Variants in ZNF90 observed in about 807,000 individuals in gnomAD.
ZNF90 encodes zinc finger protein 90.
Under a neutral mutation model 12.0 loss-of-function variants are expected in ZNF90, and 11 were observed. The observed-to-expected ratio is 0.92, with a 90% CI of 0.58 to 1.52. ZNF90 has a LOEUF of 1.52. Ranked by LOEUF, ZNF90 falls within the 40% of genes most tolerant of loss-of-function variation. The probability of loss-of-function intolerance (pLI) is 0.00; values close to 1 mark genes in which losing one functional copy is unlikely to be tolerated. For synonymous variants in ZNF90, 232 were observed against 240.1 expected, an observed-to-expected ratio of 0.97 and a Z score of 0.31; for missense variants, 765 against 711.5, an observed-to-expected ratio of 1.08 and a Z score of -0.86.
intron 3 of ZNF90, among the ~76,000 whole-genome samples, chr19:20,114,649 A>G (rs145595286): frequency 4.3e-4 from 66 of 152,150 alleles, no homozygotes; most frequent in African/African-American, 1.5e-3. Context: ...AAAGTAATCT[A>G]TTTTCAGCTT....
chr19:20,103,133 A>G (rs747702502), intron 1 of ZNF90, among the ~76,000 whole-genome samples: 10 of 152,158 alleles, frequency 6.6e-5, no homozygotes, highest in Non-Finnish European at 1.3e-4. Context: ...GGCCATTGCG[A>G]TCCTCGAGGC....
chr19:20,081,279 C>T (rs923456109), intron 1 of ZNF90, among the ~76,000 whole-genome samples: 3 of 152,124 alleles, frequency 2.0e-5, no homozygotes, highest in African/African-American at 7.2e-5. Flanking sequence ...ACCTCTGCCT[C>T]CCAGGTTCCA....
chr19:20,115,226 A>G (rs1555705542), intron 3 of ZNF90, among the ~76,000 whole-genome samples: 1 of 152,188 alleles, frequency 6.6e-6, no homozygotes, highest in African/African-American at 2.4e-5. Context: ...TGACTCTTGT[A>G]GAAAGGCAAG....
intron 1 of ZNF90, among the ~76,000 whole-genome samples, chr19:20,100,694 T>C (rs1469794526): frequency 6.6e-6 from 1 of 152,176 alleles, no homozygotes; most frequent in Non-Finnish European, 1.5e-5. Context: ...GAGAGGGGGA[T>C]GACTGAGAGA....
chr19:20,085,294 CTTTG>C (rs1568282336), intron 1 of ZNF90, among the ~76,000 whole-genome samples: 2 of 53,764 alleles, frequency 3.7e-5, no homozygotes, highest in African/African-American at 2.7e-4. Context: ...GAGTCTCGCT[CTTTG>C]GCCGAGACTG....
intron 1 of ZNF90, among the ~76,000 whole-genome samples, chr19:20,099,177 A>G (rs1360597279): frequency 6.6e-6 from 1 of 151,784 alleles, no homozygotes; most frequent in Non-Finnish European, 1.5e-5. Flanking sequence ...AAATATTATT[A>G]TGCTTTTTTT....
At chr19:20,116,530 T>C (rs1411826303) in intron 3 of ZNF90, among the ~76,000 whole-genome samples, 7 of 152,206 alleles carry the variant, frequency 4.6e-5, no homozygotes, top group East Asian at 3.8e-4. Context: ...TTTTGAAATG[T>C]TTTTCATTGG....
In ZNF90 at chr19:20,117,927, G is replaced by A. The variant is rs782690472; in HGVS notation, c.373G>A (p.Val125Ile). 16 of 1,613,230 alleles carry A rather than the reference G, an allele frequency of 9.9e-6. No homozygotes were observed. Among genetic ancestry groups the A allele is most frequent in the Middle Eastern group, 3.3e-4 (2 of 6,082 alleles). The change falls in exon 4 of 4, where the codon GTA becomes ATA. Residue 125 changes from valine (V) to isoleucine (I), a missense_variant. By Grantham distance (29) the Val-to-Ile change is conservative (BLOSUM62 3). Coordinates refer to ENST00000418063, the MANE Select transcript of ZNF90 (RefSeq NM_007138.2). ...TTGTGAAAGTGTGGATGAGGGTAAA[G>A]TACACAAAAGAGGTTATAATGGACT... ...KGCESVDEGK[V>I]HKRGYNGLNQ... is the part of the protein sequence containing the mutation.
At position 20,096,637 on chromosome 19, in the gene ZNF90, A is replaced by G. The variant is rs149953979; in HGVS notation, c.4-7602A>G. On this transcript the variant is annotated intron_variant, in intron 1 of 3. Transcript: ENST00000418063. ...GTTAAGGCAAGGACTGGCCATTTAC[A>G]CTTCTGTGGTGGAATGTCATCAGTT... 2.8e-3 allele frequency among the ~76,000 whole-genome samples: 428 copies of G among 152,226 alleles called. 6 individuals are homozygous for G. Among genetic ancestry groups the G allele is most frequent in the Admixed American group, 0.019 (297 of 15,288 alleles).
intron 3 of ZNF90, among the ~76,000 whole-genome samples, chr19:20,117,274 C>T (rs1177771761): frequency 6.6e-6 from 1 of 152,160 alleles, no homozygotes; most frequent in African/African-American, 2.4e-5. Context: ...AACCTCCTGA[C>T]TTCAGGTGAT....
chr19:20,087,229 T>A (rs2088866267), intron 1 of ZNF90: 1 of 152,238 alleles, frequency 6.6e-6, no homozygotes, highest in Non-Finnish European at 1.5e-5. Flanking sequence ...CTGACTGACA[T>A]GATCAATCTT....
intron 1 of ZNF90, chr19:20,087,558 G>C (rs1386628117): frequency 1.3e-5 from 2 of 152,418 alleles, no homozygotes; most frequent in African/African-American, 4.8e-5. Context: ...TCCTCCTGCA[G>C]CTCAGGCTTC....
intron 1 of ZNF90, chr19:20,079,937 C>CTTTTTT: frequency 1.9e-5 from 6 of 322,756 alleles, no homozygotes; most frequent in East Asian, 9.0e-5. Flanking sequence ...CGTATTTCCT[C>CTTTTTT]TTTTTTTTTT....
chr19:20,117,254 G>A (rs1036030078), intron 3 of ZNF90, among the ~76,000 whole-genome samples: 1 of 152,098 alleles, frequency 6.6e-6, no homozygotes, highest in African/African-American at 2.4e-5. Context: ...ATGTTGGTCA[G>A]GCTGGTCTCA....
At chr19:20,114,428 C>G (rs2089118289) in intron 3 of ZNF90, among the ~76,000 whole-genome samples, 1 of 152,188 alleles carries the variant, frequency 6.6e-6, no homozygotes, top group South Asian at 2.1e-4. Context: ...TGGCACTCTT[C>G]AAACACCACA....
At chr19:20,078,669 A>G (rs1057219714) in intron 1 of ZNF90, among the ~76,000 whole-genome samples, 1 of 151,620 alleles carries the variant, frequency 6.6e-6, no homozygotes, top group Non-Finnish European at 1.5e-5. Context: ...AAAGTTGTAA[A>G]TCACCCCTAC....
At chr19:20,081,858 A>G (rs2088822639) in intron 1 of ZNF90, among the ~76,000 whole-genome samples, 1 of 149,432 alleles carries the variant, frequency 6.7e-6, no homozygotes, top group Non-Finnish European at 1.5e-5. Context: ...TCTGCCTCCC[A>G]GGTTCACACT....
chr19:20,080,462 C>A (rs1241042749), intron 1 of ZNF90: 2 of 291,498 alleles, frequency 6.9e-6, no homozygotes, highest in Non-Finnish European at 1.4e-5. Flanking sequence ...ACAACTCATC[C>A]TTCTGCTTCT....
chr19:20,110,927 T>C (rs1174469310), intron 3 of ZNF90, among the ~76,000 whole-genome samples: 1 of 152,244 alleles, frequency 6.6e-6, no homozygotes, highest in South Asian at 2.1e-4. Context: ...TATTAACTTC[T>C]TTCACATGTA....
Sources: gnomAD v4.1 joint callset for allele counts (sites outside exome capture counted in the v4.1 genomes callset) on GRCh38, gnomAD v4.1.1 for gene constraint, MANE v1.5 for transcripts, NCBI Gene and HGNC (gene_info 2026-07-23, HGNC 2026-07-21) for gene names.